The following NEXMIF variants were observed in gnomAD, a reference collection of about 807,000 sequenced individuals.
NEXMIF encodes XLMR protein related to neurite extension.
In NEXMIF, 8 loss-of-function variants were observed where a neutral mutation model predicts 62.1. The observed-to-expected ratio is 0.13, with a 90% CI of 0.08 to 0.23. The LOEUF is 0.23. Ranked by LOEUF, NEXMIF falls within the 10% of genes least tolerant of loss-of-function variation. The probability of loss-of-function intolerance (pLI) is 1.00; values close to 1 mark genes in which losing one functional copy is unlikely to be tolerated. For missense variants in NEXMIF, 976 were observed against 1,113.3 expected (o/e 0.88, Z 1.75); for synonymous variants, 404 against 416.6 (o/e 0.97, Z 0.37).
intron 1 of NEXMIF, among the ~76,000 whole-genome samples, chrX:74,848,027 C>G (rs1240602849): frequency 9.0e-6 from 1 of 110,930 alleles, no homozygotes; most frequent in Non-Finnish European, 1.9e-5. Flanking sequence ...CACTGACATA[C>G]AGCTTATGTC....
At position 74,740,118 on chromosome X, in the gene NEXMIF, G is replaced by A. The variant is rs1455161083; in HGVS notation, c.4439C>T (p.Ala1480Val). 1 of 1,209,357 alleles carries A rather than the reference G, an allele frequency of 8.3e-7. No homozygotes were observed. The highest frequency in any genetic ancestry group is 2.2e-5 in the Admixed American group (1 of 45,810). The change falls in exon 3 of 4, where the codon GCT (alanine) becomes GTT (valine). Residue 1480 changes from alanine to valine, a missense_variant. Transcript: ENST00000055682. ...GTATTACCTCAGTTTTTCAAAAGAAGCTGTCCCAGACTCATCCTTGTGGAC... is the reference window on the plus strand; with the variant it reads ...GTATTACCTCAGTTTTTCAAAAGAAACTGTCCCAGACTCATCCTTGTGGAC... ...EQVHKDESGT[A>V]SFEKLRDSDY...
At chrX:74,906,528 A>C (rs925378351) in intron 1 of NEXMIF, among the ~76,000 whole-genome samples, 1 of 110,225 alleles carries the variant, frequency 9.1e-6, no homozygotes, top group Non-Finnish European at 1.9e-5. Flanking sequence ...TCCGGACAGA[A>C]ATTTCCAGTG....
intron 1 of NEXMIF, among the ~76,000 whole-genome samples, chrX:74,799,429 A>G (rs2147469812): frequency 9.0e-6 from 1 of 111,528 alleles, no homozygotes; most frequent in African/African-American, 3.3e-5. Context: ...ACATGCATAC[A>G]TACATACATC....
At chrX:74,828,542 C>A (rs2080425669) in intron 1 of NEXMIF, among the ~76,000 whole-genome samples, 1 of 112,102 alleles carries the variant, frequency 8.9e-6, no homozygotes, top group South Asian at 3.7e-4. Flanking sequence ...ACTTGCTGTG[C>A]AATCTCAGGT....
chrX:74,788,752 A>G (rs1248316809), intron 1 of NEXMIF, among the ~76,000 whole-genome samples: 3 of 110,679 alleles, frequency 2.7e-5, no homozygotes, highest in African/African-American at 9.9e-5. Flanking sequence ...AGGAGTCATA[A>G]ATCAGGTATT....
Position 74,879,515 on chromosome X carries a change from A to T in NEXMIF, c.-48+45368T>A, listed in dbSNP as rs1185188943. On this transcript the variant is annotated intron_variant, in intron 1 of 3. Coordinates refer to ENST00000055682, the MANE Select transcript of NEXMIF (RefSeq NM_001008537.3). Reference sequence around the variant, plus strand: ...AAAGGGGAAAAGTTAATACATTTGGACAATTTGTCATCATTTAAAGATCAA... The same window carrying T: ...AAAGGGGAAAAGTTAATACATTTGGTCAATTTGTCATCATTTAAAGATCAA... Among the ~76,000 whole-genome samples, 2 of 112,361 alleles carry T rather than the reference A, an allele frequency of 1.8e-5. 1 individual carries two copies. Among genetic ancestry groups the T allele is most frequent in the Middle Eastern group, 8.4e-3 (2 of 238 alleles).
At chrX:74,782,378 T>A (rs1436749950) in intron 1 of NEXMIF, among the ~76,000 whole-genome samples, 1 of 111,685 alleles carries the variant, frequency 9.0e-6, no homozygotes, top group Non-Finnish European at 1.9e-5. Context: ...TAATAAAATA[T>A]ACTTCACATT....
At position 74,892,943 on chromosome X, in the gene NEXMIF, G is replaced by GAC. The variant is rs951919277; in HGVS notation, c.-48+31939_-48+31940insGT. 8.9e-5 allele frequency among the ~76,000 whole-genome samples: 10 copies of GAC among 111,807 alleles called. No homozygotes were observed. In the South Asian group the frequency reaches 3.8e-3, roughly 42 times the overall value. On this transcript the variant is annotated intron_variant, in intron 1 of 3. Coordinates refer to ENST00000055682, the MANE Select transcript of NEXMIF (RefSeq NM_001008537.3). ...GACTTGCTGAGAAGGAAAGGATGGA[G>GAC]AGAGAGAGAATATGTATGTATAGAA...
chrX:74,794,229 C>G (rs2080297145), intron 1 of NEXMIF, among the ~76,000 whole-genome samples: 3 of 109,304 alleles, frequency 2.7e-5, no homozygotes, highest in Admixed American at 2.0e-4. Context: ...GTTGGAATAC[C>G]CTGCCGTGTG....
chrX:74,920,665 C>T lies in NEXMIF; in HGVS notation c.-48+4218G>A, dbSNP rs781646783. Among the ~76,000 whole-genome samples, 17 of 111,590 alleles carry T rather than the reference C, an allele frequency of 1.5e-4. 1 individual carries two copies. The South Asian group carries it at 6.3e-3, about 42-fold the overall frequency. ...ATTTGTCAATTTTGTTTTTTGTTGC[C>T]ATTGCTTTTGGTGTTTTAGACATGA... is the stretch of plus-strand genomic sequence containing the variant. On this transcript the variant is annotated intron_variant, in intron 1 of 3. Coordinates refer to ENST00000055682, the MANE Select transcript of NEXMIF (RefSeq NM_001008537.3).
Position 74,801,659 on chromosome X carries a change from C to T in NEXMIF, c.-47-55962G>A, listed in dbSNP as rs185347726. 3.3e-3 allele frequency among the ~76,000 whole-genome samples: 365 copies of T among 112,277 alleles called. 2 individuals carry two copies. Among genetic ancestry groups the T allele is most frequent in the African/African-American group, 0.011 (349 of 30,949 alleles). ...CAGCTTTGGTGGCTGCAGGGCAAGA[C>T]TCCTGCCTGAGAAAAGCAAAGGGAA... is the stretch of plus-strand genomic sequence containing the variant. On this transcript the variant is annotated intron_variant, in intron 1 of 3. Transcript: ENST00000055682.
intron 1 of NEXMIF, among the ~76,000 whole-genome samples, chrX:74,801,198 CAG>C (rs758816505): frequency 6.0e-4 from 67 of 111,902 alleles, no homozygotes; most frequent in Admixed American, 3.4e-3. Context: ...ATGGATATAA[CAG>C]TGTATTTATC....
At chrX:74,760,177 T>C (rs941099615) in intron 1 of NEXMIF, among the ~76,000 whole-genome samples, 2 of 111,815 alleles carry the variant, frequency 1.8e-5, no homozygotes, top group Non-Finnish European at 3.8e-5. Context: ...GTGTTCCTGA[T>C]TTGGCTCTCA....
At chrX:74,884,310 G>A (rs1168474727) in intron 1 of NEXMIF, among the ~76,000 whole-genome samples, 1 of 111,768 alleles carries the variant, frequency 8.9e-6, no homozygotes, top group Non-Finnish European at 1.9e-5. Context: ...AACCTTAAAT[G>A]TAAATGGGCT....
intron 1 of NEXMIF, among the ~76,000 whole-genome samples, chrX:74,777,636 T>C (rs963579967): frequency 9.0e-6 from 1 of 111,673 alleles, no homozygotes; most frequent in South Asian, 3.8e-4. Context: ...TTTCTCGTTT[T>C]CCATGTAATT....
chrX:74,860,365 C>G (rs1231321464), intron 1 of NEXMIF, among the ~76,000 whole-genome samples: 1 of 111,761 alleles, frequency 8.9e-6, no homozygotes, highest in Non-Finnish European at 1.9e-5. Flanking sequence ...AAAAAACGAA[C>G]AAAGAAACAT....
intron 1 of NEXMIF, among the ~76,000 whole-genome samples, chrX:74,834,750 T>C (rs899872240): frequency 1.8e-5 from 2 of 111,664 alleles, no homozygotes; most frequent in Admixed American, 9.5e-5. Flanking sequence ...CCTTGACCTT[T>C]AGGAGGTTTG....
chrX:74,860,382 T>C (rs1033362296), intron 1 of NEXMIF, among the ~76,000 whole-genome samples: 1 of 112,139 alleles, frequency 8.9e-6, no homozygotes. Flanking sequence ...ACATCTGATT[T>C]ATTCTGCACA....
chrX:74,877,545 T>G (rs1006992559), intron 1 of NEXMIF, among the ~76,000 whole-genome samples: 1 of 111,601 alleles, frequency 9.0e-6, no homozygotes, highest in African/African-American at 3.3e-5. Context: ...CCTGCCTTGC[T>G]AGATTGGGGA....
Sources: gnomAD v4.1 joint callset for allele counts (sites outside exome capture counted in the v4.1 genomes callset) on GRCh38, gnomAD v4.1.1 for gene constraint, MANE v1.5 for transcripts, NCBI Gene and HGNC (gene_info 2026-07-23, HGNC 2026-07-21) for gene names.